NDC80: variants seen among roughly 807,000 people sequenced by gnomAD.
The protein encoded by NDC80 is kinetochore protein NDC80 homolog.
A neutral mutation model predicts 89.3 loss-of-function variants in NDC80; 69 were observed. The ratio of observed to expected loss-of-function variants is 0.77; its 90% CI spans 0.64 to 0.94. The LOEUF is 0.94. Ranked by LOEUF, NDC80 falls within the 40% of genes least tolerant of loss-of-function variation. NDC80 has a pLI of 0.00. For missense variants in NDC80, 593 were observed against 739.6 expected, an observed-to-expected ratio of 0.80 and a Z score of 2.30; for synonymous variants, 243 against 255.6, an observed-to-expected ratio of 0.95 and a Z score of 0.47.
At chr18:2,612,272 CTTTCTTTTTTTT>C (rs2072748897) in intron 16 of NDC80, among the ~76,000 whole-genome samples, 1 of 68,696 alleles carries the variant, frequency 1.5e-5, no homozygotes, top group Non-Finnish European at 2.9e-5. Context: ...ACTTTCTTTT[CTTTCTTTTTTTT>C]TTTTTTTTTT....
At chr18:2,588,025 T>C in intron 8 of NDC80, 102 bp downstream of exon 8, 1 of 820,494 alleles carries the variant, frequency 1.2e-6, no homozygotes. Flanking sequence ...AGCTACTTAC[T>C]TTAAATGTAT....
At chr18:2,572,390 C>G (rs1699244959) in intron 1 of NDC80, among the ~76,000 whole-genome samples, 1 of 152,048 alleles carries the variant, frequency 6.6e-6, no homozygotes, top group African/African-American at 2.4e-5. Context: ...ATGGAGGCAG[C>G]CTATAGACCA....
intron 10 of NDC80, among the ~76,000 whole-genome samples, chr18:2,592,154 G>A (rs903220785): frequency 7.9e-5 from 12 of 152,116 alleles, no homozygotes; most frequent in South Asian, 6.2e-4. Flanking sequence ...AACTTTTTCT[G>A]ATAGCTGCAA....
chr18:2,616,344 A>G, intron 16 of NDC80, 93 bp from the exon 17 acceptor site: 1 of 941,102 alleles, frequency 1.1e-6, no homozygotes. Flanking sequence ...CTTAACTTAA[A>G]AATGTTATCC....
chr18:2,590,302 G>C, intron 10 of NDC80, 140 bp downstream of exon 10: 2 of 861,628 alleles, frequency 2.3e-6, no homozygotes, highest in Non-Finnish European at 3.4e-6. Context: ...AGTGTGTTTC[G>C]TATTTGTTTC....
intron 6 of NDC80, among the ~76,000 whole-genome samples, chr18:2,584,501 T>A (rs2143640220): frequency 6.6e-6 from 1 of 152,290 alleles, no homozygotes; most frequent in South Asian, 2.1e-4. Context: ...ATGGAATTTC[T>A]ATGCCTTAAA....
intron 6 of NDC80, among the ~76,000 whole-genome samples, chr18:2,579,908 A>G (rs2072567425): frequency 6.6e-6 from 1 of 151,982 alleles, no homozygotes; most frequent in South Asian, 2.1e-4. Flanking sequence ...ATCTTTATCA[A>G]TTTAGGAGGT....
At chr18:2,605,274 A>ATGTGTGTGTGTGTGTG (rs60324126) in intron 13 of NDC80, among the ~76,000 whole-genome samples, 6 of 127,178 alleles carry the variant, frequency 4.7e-5, no homozygotes, top group East Asian at 2.3e-4. Context: ...GGCTATATGT[A>ATGTGTGTGTGTGTGTG]TGTGTGTGTG....
chr18:2,573,418 G>C (rs187744365), intron 2 of NDC80, among the ~76,000 whole-genome samples: 1 of 152,272 alleles, frequency 6.6e-6, no homozygotes, highest in Admixed American at 6.5e-5. Context: ...GTAACTTAGA[G>C]TTCACTGAGA....
chr18:2,593,173 G>C (rs1006507784), intron 10 of NDC80, among the ~76,000 whole-genome samples: 2 of 151,418 alleles, frequency 1.3e-5, no homozygotes, highest in African/African-American at 4.9e-5. Context: ...TCCTGCCTCA[G>C]CCTCCCAAGT....
chr18:2,573,168 T>A, intron 2 of NDC80, 82 bp downstream of exon 2: 1 of 1,123,246 alleles, frequency 8.9e-7, no homozygotes. Context: ...AATATAAAGA[T>A]GTAATATGAG....
intron 1 of NDC80, 84 bp from the exon 2 acceptor site, chr18:2,572,893 T>C (rs2072524821): frequency 1.1e-6 from 1 of 942,022 alleles, no homozygotes; most frequent in Non-Finnish European, 1.6e-6. Context: ...AACCTGACTG[T>C]CTTTCTGTTT....
intron 2 of NDC80, among the ~76,000 whole-genome samples, chr18:2,574,776 C>G (rs983347045): frequency 6.6e-6 from 1 of 152,180 alleles, no homozygotes; most frequent in African/African-American, 2.4e-5. Flanking sequence ...GGGACCTCTG[C>G]TGGTCCCCCA....
chr18:2,602,637 CT>C (rs1265335560), intron 13 of NDC80, among the ~76,000 whole-genome samples: 1 of 152,134 alleles, frequency 6.6e-6, no homozygotes, highest in Non-Finnish European at 1.5e-5. Context: ...ATCTTTTAGA[CT>C]GTCTTGAACT....
intron 13 of NDC80, among the ~76,000 whole-genome samples, chr18:2,603,356 C>CATATATATATATATATATATAGATAT (rs2072693990): frequency 8.3e-6 from 1 of 120,800 alleles, no homozygotes; most frequent in African/African-American, 3.3e-5. Flanking sequence ...TATGTTTATA[C>CATATATATATATATATATATAGATAT]ATATATATAT....
intron 6 of NDC80, among the ~76,000 whole-genome samples, chr18:2,580,731 ATTTTTTTTTT>A (rs71365186): frequency 0.013 from 746 of 55,484 alleles, 14 homozygotes; most frequent in African/African-American, 0.037. Context: ...TCACCATCAG[ATTTTTTTTTT>A]TTTTTTTTTT....
intron 13 of NDC80, among the ~76,000 whole-genome samples, chr18:2,605,256 GT>G (rs2072704025): frequency 2.4e-5 from 1 of 41,112 alleles, no homozygotes; most frequent in Non-Finnish European, 4.0e-5. Flanking sequence ...GGCAATTGGA[GT>G]CGGGCGGGCT....
Position 2,578,010 on chromosome 18 carries a change from A to G in NDC80, c.345A>G (p.Lys115=). The change falls in exon 5 of 17, where the codon AAA becomes AAG. Residue 115 remains lysine, a synonymous_variant. Coordinates refer to ENST00000261597, the MANE Select transcript of NDC80 (RefSeq NM_006101.3). ...ENGYAHNVSM[K]SLQAPSVKDF... ...GTTATGCACATAATGTGTCCATGAA[A>G]TCTCTACAAGCTCCCTCTGTTAAAG... 6.2e-7 allele frequency: 1 copy of G among 1,614,080 alleles called. No individual in the cohort carries two copies. Among genetic ancestry groups the G allele is most frequent in the Non-Finnish European group, 8.5e-7 (1 of 1,179,992 alleles).
intron 3 of NDC80, among the ~76,000 whole-genome samples, chr18:2,576,755 G>A (rs1006887498): frequency 3.3e-5 from 5 of 152,244 alleles, no homozygotes; most frequent in Non-Finnish European, 7.4e-5. Context: ...TCATCAAACT[G>A]TATGCTTTAA....
Sources: gnomAD v4.1 joint callset for allele counts (sites outside exome capture counted in the v4.1 genomes callset) on GRCh38, gnomAD v4.1.1 for gene constraint, MANE v1.5 for transcripts, NCBI Gene and HGNC (gene_info 2026-07-23, HGNC 2026-07-21) for gene names.